ADAM12: variants seen among roughly 807,000 people sequenced by gnomAD.
ADAM12 encodes disintegrin and metalloproteinase domain-containing protein 12.
ADAM12 carries 70 observed loss-of-function variants against 106.4 expected under a neutral mutation model. The ratio of observed to expected loss-of-function variants is 0.66; its 90% CI spans 0.54 to 0.80. The LOEUF (loss-of-function observed/expected upper bound fraction) is 0.80, where lower values mean the gene tolerates loss of function less well. Among genes scored for constraint, ADAM12 ranks in the 30% least tolerant of loss-of-function variants. The pLI is 0.00. For synonymous variants in ADAM12, 420 were observed against 433.5 expected (o/e 0.97, Z 0.39); for missense variants, 1,010 against 1,171.9 (o/e 0.86, Z 2.02).
intron 3 of ADAM12, among the ~76,000 whole-genome samples, chr10:126,196,157 C>T (rs1336787664): frequency 1.3e-5 from 2 of 152,170 alleles, no homozygotes; most frequent in Admixed American, 6.5e-5. Context: ...TTTGTAGACC[C>T]TCATTCTAGG....
chr10:126,143,600 T>G (rs879062471), intron 4 of ADAM12, among the ~76,000 whole-genome samples: 6 of 140,910 alleles, frequency 4.3e-5, no homozygotes, highest in Non-Finnish European at 3.2e-5. Context: ...TATGCATGTA[T>G]CTGTATGTAT....
At chr10:126,086,441 C>A (rs1259902237) in intron 11 of ADAM12, among the ~76,000 whole-genome samples, 6 of 150,010 alleles carry the variant, frequency 4.0e-5, no homozygotes, top group African/African-American at 1.5e-4. Flanking sequence ...TTTAGGAGGC[C>A]AAGGCAGGTG....
In ADAM12 at chr10:126,155,241, C is replaced by G; in HGVS notation, c.325G>C (p.Ala109Pro). ...GCCAGAATTACCGTGTAATTTCGAGCGAGGGAGACATCAGTACCGTCTTGC... is the reference window on the plus strand; with the variant it reads ...GCCAGAATTACCGTGTAATTTCGAGGGAGGGAGACATCAGTACCGTCTTGC... ...YLQDGTDVSL[A>P]RNYTGHCYYH... The change falls in exon 4 of 23, where the codon GCT (alanine) becomes CCT (proline). Residue 109 changes from alanine to proline, a missense_variant. Transcript: ENST00000448723. 1 of 1,613,950 alleles carries G rather than the reference C, an allele frequency of 6.2e-7. No homozygotes were observed. The highest frequency in any genetic ancestry group is 8.5e-7 in the Non-Finnish European group (1 of 1,179,942).
intron 19 of ADAM12, 118 bp downstream of exon 19, chr10:126,039,176 T>C: frequency 1.6e-6 from 2 of 1,252,004 alleles, no homozygotes; most frequent in Non-Finnish European, 2.2e-6. Flanking sequence ...CTCGATCTCC[T>C]GACCTCGTGA....
chr10:126,028,875 A>T (rs1953926169), intron 21 of ADAM12, among the ~76,000 whole-genome samples: 1 of 152,200 alleles, frequency 6.6e-6, no homozygotes, highest in Non-Finnish European at 1.5e-5. Context: ...TATCCATCTG[A>T]CAAAGGTCTA....
At chr10:126,256,623 C>T (rs1419589387) in intron 3 of ADAM12, among the ~76,000 whole-genome samples, 2 of 152,178 alleles carry the variant, frequency 1.3e-5, no homozygotes, top group Non-Finnish European at 1.5e-5. Context: ...AGAAAGTCTA[C>T]AAATCCAGGA....
chr10:126,257,627 C>T (rs1958919027), intron 3 of ADAM12, among the ~76,000 whole-genome samples: 2 of 152,160 alleles, frequency 1.3e-5, no homozygotes, highest in African/African-American at 4.8e-5. Context: ...GTCACACAAT[C>T]GCATAAAAAT....
intron 2 of ADAM12, among the ~76,000 whole-genome samples, chr10:126,284,621 C>T (rs1959757945): frequency 6.6e-6 from 1 of 152,174 alleles, no homozygotes; most frequent in Non-Finnish European, 1.5e-5. Context: ...CTCCTATCCT[C>T]AAGCAATCCT....
intron 22 of ADAM12, among the ~76,000 whole-genome samples, chr10:126,018,507 A>T (rs1295303914): frequency 6.6e-6 from 1 of 152,256 alleles, no homozygotes; most frequent in African/African-American, 2.4e-5. Flanking sequence ...ATAATGGATG[A>T]GTGCAATCTC....
In ADAM12 at chr10:126,367,039, T is replaced by C. The variant is rs148710122; in HGVS notation, c.88+21019A>G. On this transcript the variant is annotated intron_variant, in intron 1 of 22. Coordinates refer to ENST00000448723, the MANE Select transcript of ADAM12 (RefSeq NM_001288973.2). ...TAACAAACAAAAAATATTAGTAAGC[T>C]TAATATGAGATTTGATAACACCATC... 3.3e-5 allele frequency among the ~76,000 whole-genome samples: 5 copies of C among 152,040 alleles called. No individual in the cohort carries two copies. The East Asian group carries it at 9.6e-4, about 29-fold the overall frequency.
chr10:126,361,755 C>T (rs55647840), intron 1 of ADAM12, among the ~76,000 whole-genome samples: 23,178 of 152,064 alleles, frequency 0.15, 2,106 homozygotes, highest in Middle Eastern at 0.28. Flanking sequence ...TGAAATTGGA[C>T]ACTTATCTCA....
chr10:126,097,140 G>A (rs1205939702), intron 10 of ADAM12, among the ~76,000 whole-genome samples: 1 of 152,202 alleles, frequency 6.6e-6, no homozygotes, highest in Non-Finnish European at 1.5e-5. Flanking sequence ...AAGTGGCAAA[G>A]TCAGTAGCAA....
At chr10:126,292,285 G>A (rs1303796292) in intron 2 of ADAM12, among the ~76,000 whole-genome samples, 1 of 151,770 alleles carries the variant, frequency 6.6e-6, no homozygotes, top group Non-Finnish European at 1.5e-5. Flanking sequence ...TCATCCTTTT[G>A]GCTCCCATTG....
intron 3 of ADAM12, among the ~76,000 whole-genome samples, chr10:126,243,922 A>G (rs983517774): frequency 1.2e-4 from 18 of 152,208 alleles, no homozygotes; most frequent in African/African-American, 4.3e-4. Flanking sequence ...TAACAATTCT[A>G]GAATAAATCA....
intron 4 of ADAM12, among the ~76,000 whole-genome samples, chr10:126,150,152 T>C (rs765411370): frequency 2.0e-5 from 3 of 152,202 alleles, no homozygotes; most frequent in Non-Finnish European, 4.4e-5. Context: ...CCGGAGCCTA[T>C]TGTTGTGGTA....
In ADAM12 at chr10:126,299,076, C is replaced by T. The variant is rs556856607; in HGVS notation, c.187-20088G>A. On this transcript the variant is annotated intron_variant, in intron 2 of 22. Coordinates refer to ENST00000448723, the MANE Select transcript of ADAM12 (RefSeq NM_001288973.2). ...TTGGAGATTGTAGGAAGGAATGAAG[C>T]GGTAAGGTTAACATGTGGGAACCTC... Among the ~76,000 whole-genome samples, 197 of 152,128 alleles carry T rather than the reference C, an allele frequency of 1.3e-3. 2 individuals carry two copies. In the South Asian group the frequency reaches 0.021, roughly 16 times the overall value.
intron 5 of ADAM12, among the ~76,000 whole-genome samples, chr10:126,134,538 G>A (rs1956369406): frequency 6.6e-6 from 1 of 152,190 alleles, no homozygotes; most frequent in Non-Finnish European, 1.5e-5. Flanking sequence ...TTAGTTACAT[G>A]AAAGGACCAA....
At chr10:126,109,707 T>G in intron 7 of ADAM12, 68 bp downstream of exon 7, 1 of 1,443,820 alleles carries the variant, frequency 6.9e-7, no homozygotes, top group Non-Finnish European at 9.6e-7. Context: ...AAGTAATAAC[T>G]TGCAAAACAT....
At chr10:126,069,776 C>T (rs558339540) in intron 12 of ADAM12, among the ~76,000 whole-genome samples, 5 of 151,994 alleles carry the variant, frequency 3.3e-5, no homozygotes, top group South Asian at 2.1e-4. Flanking sequence ...GTAGTGATGA[C>T]GGTGGCGGCA....
Sources: gnomAD v4.1 joint callset for allele counts (sites outside exome capture counted in the v4.1 genomes callset) on GRCh38, gnomAD v4.1.1 for gene constraint, MANE v1.5 for transcripts, NCBI Gene and HGNC (gene_info 2026-07-23, HGNC 2026-07-21) for gene names.